SLC34A2: variants seen among roughly 807,000 people sequenced by gnomAD.
SLC34A2 encodes the protein sodium-dependent phosphate transport protein 2B.
Under a neutral mutation model 50.8 loss-of-function variants are expected in SLC34A2, and 41 were observed. The observed-to-expected ratio is 0.81, with a 90% CI of 0.63 to 1.05. SLC34A2 has a LOEUF of 1.05. SLC34A2 is among the 50% of genes least tolerant of loss of function. The probability of loss-of-function intolerance (pLI) is 0.00; values close to 1 mark genes in which losing one functional copy is unlikely to be tolerated. For synonymous variants in SLC34A2, 401 were observed against 364.2 expected, an observed-to-expected ratio of 1.10 and a Z score of -1.15; for missense variants, 879 against 876.7, an observed-to-expected ratio of 1.00 and a Z score of -0.03.
At chr4:25,664,111 G>C (rs867547471) in intron 3 of SLC34A2, 91 bp from the exon 4 acceptor site, 17 of 1,277,692 alleles carry the variant, frequency 1.3e-5, no homozygotes, top group African/African-American at 1.3e-4. Flanking sequence ...GAGGTCGGGG[G>C]AGCTCTGAGC....
chr4:25,673,397 C>A, intron 10 of SLC34A2, 143 bp downstream of exon 10: 1 of 881,656 alleles, frequency 1.1e-6, no homozygotes, highest in Non-Finnish European at 1.8e-6. Flanking sequence ...GGATGTCATT[C>A]ACCTGGAAAT....
intron 4 of SLC34A2, 111 bp from the exon 5 acceptor site, chr4:25,666,017 T>C: frequency 1.4e-5 from 19 of 1,393,744 alleles, no homozygotes; most frequent in Non-Finnish European, 1.8e-5. Context: ...GGCTGGACTC[T>C]GCAACCCACA....
chr4:25,672,526 GCTTCTCT>G (rs1338037425), intron 9 of SLC34A2, among the ~76,000 whole-genome samples: 3 of 151,978 alleles, frequency 2.0e-5, no homozygotes, highest in Non-Finnish European at 4.4e-5. Context: ...GTATATCTCT[GCTTCTCT>G]CTTCTCACCC....
chr4:25,674,060 C>T (rs1393001258), intron 10 of SLC34A2, among the ~76,000 whole-genome samples: 1 of 152,198 alleles, frequency 6.6e-6, no homozygotes, highest in Non-Finnish European at 1.5e-5. Flanking sequence ...AACCTGACCT[C>T]CAGGGAATCT....
chr4:25,675,311 G>A (rs747431338), intron 12 of SLC34A2, among the ~76,000 whole-genome samples: 3 of 152,304 alleles, frequency 2.0e-5, no homozygotes, highest in South Asian at 4.1e-4. Flanking sequence ...GATTACAGGC[G>A]TGAGCCACTG....
rs369523420 is a variant in SLC34A2 at position 25,664,247 on chromosome 4, G to C, written c.296G>C (p.Gly99Ala). 4.5e-5 allele frequency: 72 copies of C among 1,613,506 alleles called. No homozygotes were observed. In the African/African-American group the frequency reaches 8.7e-4, roughly 19 times the overall value. The change falls in exon 4 of 13, where the codon GGG (glycine) becomes GCG (alanine). Residue 99 changes from glycine (G) to alanine (A), a missense_variant. Transcript: ENST00000382051. Reference protein sequence around the residue: ...GKILCFFQGIGRLILLLGFLY... With the variant: ...GKILCFFQGIARLILLLGFLY... ...ATTCTCTGTTTCTTCCAAGGGATTGGGAGATTGATTTTACTTCTCGGATTT... is the reference window on the plus strand; with the variant it reads ...ATTCTCTGTTTCTTCCAAGGGATTGCGAGATTGATTTTACTTCTCGGATTT...
intron 5 of SLC34A2, among the ~76,000 whole-genome samples, chr4:25,667,498 C>T (rs991273286): frequency 2.6e-5 from 4 of 151,916 alleles, no homozygotes; most frequent in East Asian, 3.9e-4. Flanking sequence ...GGAGACAGAG[C>T]GAGATCCATC....
At chr4:25,665,067 G>C (rs577620338) in intron 4 of SLC34A2, 3 of 225,978 alleles carry the variant, frequency 1.3e-5, no homozygotes, top group East Asian at 6.3e-5. Context: ...TGCAACCCTT[G>C]GTGCCTTTCT....
At chr4:25,657,264 C>T (rs1375990733) in intron 1 of SLC34A2, among the ~76,000 whole-genome samples, 1 of 152,126 alleles carries the variant, frequency 6.6e-6, no homozygotes, top group African/African-American at 2.4e-5. Context: ...ATGAGGAAAA[C>T]AGCCTCACAG....
intron 9 of SLC34A2, 31 bp from the exon 10 acceptor site, chr4:25,673,047 GCTCCATGCC>G (rs1714901016): frequency 6.2e-7 from 1 of 1,604,292 alleles, no homozygotes; most frequent in African/African-American, 1.3e-5. Context: ...AGCCGTGGTG[GCTCCATGCC>G]CTCCTGACAA....
intron 10 of SLC34A2, among the ~76,000 whole-genome samples, chr4:25,673,859 G>T (rs548430268): frequency 6.6e-6 from 1 of 152,180 alleles, no homozygotes; most frequent in Non-Finnish European, 1.5e-5. Flanking sequence ...GGCCTGATCC[G>T]GTGCTAGTTG....
chr4:25,658,023 G>T (rs549330648), intron 1 of SLC34A2, among the ~76,000 whole-genome samples: 44 of 152,128 alleles, frequency 2.9e-4, no homozygotes, highest in Non-Finnish European at 5.9e-4. Flanking sequence ...TGGGCATCCC[G>T]AGAACACTGG....
At position 25,676,435 on chromosome 4, in the gene SLC34A2, C is replaced by G. The variant is rs1412219986; in HGVS notation, c.1759C>G (p.Leu587Val). Reference protein sequence around the residue: ...SRCPRVLPKKLQNWNFLPLWM... With the variant: ...SRCPRVLPKKVQNWNFLPLWM... ...CTGCCCACGCGTCCTGCCGAAGAAA[C>G]TCCAGAACTGGAACTTCCTGCCGCT... The change falls in exon 13 of 13, where the codon CTC (leucine) becomes GTC (valine). Residue 587 changes from leucine (L) to valine (V), a missense_variant. Transcript: ENST00000382051. 1 of 1,614,046 alleles carries G rather than the reference C, an allele frequency of 6.2e-7. No individual in the cohort carries two copies. The highest frequency in any genetic ancestry group is 1.3e-5 in the African/African-American group (1 of 74,932).
At chr4:25,659,625 T>C (rs1714075610) in intron 1 of SLC34A2, among the ~76,000 whole-genome samples, 1 of 152,102 alleles carries the variant, frequency 6.6e-6, no homozygotes, top group Non-Finnish European at 1.5e-5. Context: ...ATTAACCAAT[T>C]AGTCCTCATA....
rs1314791100 is a variant in SLC34A2, at chr4:25,677,750, C to G, written c.*1001C>G. On this transcript the variant is annotated 3_prime_UTR_variant, in exon 13 of 13. Transcript: ENST00000382051. ...ATCTGCACCTGGAATAGCTCTCCAC[C>G]CCTCTCTGCCTCCTTACTTTCTGTG... is the stretch of plus-strand genomic sequence containing the variant. The G allele has an allele frequency of 3.9e-5, 6 of 152,212 alleles. No individual in the cohort carries two copies. Among genetic ancestry groups the G allele is most frequent in the African/African-American group, 1.4e-4 (6 of 41,442 alleles). 9.4% of individuals were successfully genotyped at this position (152,212 alleles called of 1,614,324 possible).
At chr4:25,664,708 G>T (rs138896130) in intron 4 of SLC34A2, among the ~76,000 whole-genome samples, 2 of 152,146 alleles carry the variant, frequency 1.3e-5, no homozygotes, top group Non-Finnish European at 2.9e-5. Flanking sequence ...TCAAATATGG[G>T]CCCTTGCTGG....
chr4:25,656,138 G>C (rs1713868328), intron 1 of SLC34A2, among the ~76,000 whole-genome samples: 1 of 152,178 alleles, frequency 6.6e-6, no homozygotes, highest in African/African-American at 2.4e-5. Flanking sequence ...AGCCACACTT[G>C]TGGATTCTAA....
At position 25,674,616 on chromosome 4, in the gene SLC34A2, G is replaced by A; in HGVS notation, c.1445G>A (p.Arg482Lys). The A allele has an allele frequency of 1.2e-6, 2 of 1,614,246 alleles. No individual in the cohort carries two copies. The highest frequency in any genetic ancestry group is 1.7e-6 in the Non-Finnish European group (2 of 1,180,042). ...AALASPGNAL[R>K]SSLQIALCHF... Reference sequence around the variant, plus strand: ...TTAGCCAGCCCTGGCAATGCATTGAGGAGTTCACTCCAGGTCAGGACTTGG... The same window carrying A: ...TTAGCCAGCCCTGGCAATGCATTGAAGAGTTCACTCCAGGTCAGGACTTGG... Residue 482 changes from arginine (R) to lysine (K), a missense_variant, in exon 12 of 13, where the codon AGG becomes AAG. By Grantham distance (26) the Arg-to-Lys change is conservative (BLOSUM62 2). Transcript: ENST00000382051.
At position 25,669,805 on chromosome 4, in the gene SLC34A2, A is replaced by G; in HGVS notation, c.794A>G (p.Lys265Arg). ...GGAGAAGATGCCCCAGATCTTCTGA[A>G]AGTCATCACTAAGCCCTTCACAAAG... ...KNGEDAPDLL[K>R]VITKPFTKLI... Residue 265 changes from lysine to arginine, a missense_variant, in exon 7 of 13, where the codon AAA becomes AGA. Lys to Arg is a conservative substitution (Grantham distance 26). Transcript: ENST00000382051. The G allele has an allele frequency of 6.2e-7, 1 of 1,614,192 alleles. No individual in the cohort carries two copies. The highest frequency in any genetic ancestry group is 1.1e-5 in the South Asian group (1 of 91,082).
Sources: allele counts gnomAD v4.1 joint callset (sites outside exome capture counted in the v4.1 genomes callset), GRCh38; gene constraint gnomAD v4.1.1; transcripts MANE v1.5; gene names NCBI Gene and HGNC (gene_info 2026-07-23, HGNC 2026-07-21).